The following PDLIM5 variants were observed in gnomAD, a reference collection of about 807,000 sequenced individuals.
PDLIM5 encodes the protein PDZ and LIM domain 5.
Under a neutral mutation model 64.2 loss-of-function variants are expected in PDLIM5, and 34 were observed. The observed-to-expected ratio is 0.53, with a 90% CI of 0.40 to 0.71. The LOEUF (loss-of-function observed/expected upper bound fraction) is 0.71. Ranked by LOEUF, PDLIM5 falls within the 30% of genes least tolerant of loss-of-function variation. The pLI is 0.00. For missense variants in PDLIM5, 683 were observed against 733.6 expected, an observed-to-expected ratio of 0.93 and a Z score of 0.80; for synonymous variants, 253 against 269.1, an observed-to-expected ratio of 0.94 and a Z score of 0.59.
chr4:94,606,728 G>A (rs903935501), intron 7 of PDLIM5, among the ~76,000 whole-genome samples: 7 of 152,112 alleles, frequency 4.6e-5, no homozygotes, highest in African/African-American at 1.7e-4. Context: ...ATTTTTTTCT[G>A]TAAAGGTCCA....
At chr4:94,575,340 G>A (rs1289786294) in intron 4 of PDLIM5, among the ~76,000 whole-genome samples, 2 of 152,004 alleles carry the variant, frequency 1.3e-5, no homozygotes, top group African/African-American at 2.4e-5. Flanking sequence ...CTTTCTGATA[G>A]TTTTCCTGCT....
intron 7 of PDLIM5, among the ~76,000 whole-genome samples, chr4:94,604,866 A>AT (rs1737790180): frequency 6.6e-6 from 1 of 152,184 alleles, no homozygotes; most frequent in Non-Finnish European, 1.5e-5. Flanking sequence ...TTTTTACCAC[A>AT]GTTTTTAAAA....
chr4:94,513,468 CTTAAT>C lies in PDLIM5; in HGVS notation c.97-10248_97-10244del, dbSNP rs531840983. Reference sequence around the variant, plus strand: ...CTTTGGATAAGTTAATTCTGAGGTACTTAATTTAATTTGTGGCTGTTGTAAATGGG... The same window carrying C: ...CTTTGGATAAGTTAATTCTGAGGTACTTAATTTGTGGCTGTTGTAAATGGG... On this transcript the variant is annotated intron_variant, in intron 2 of 12. Coordinates refer to ENST00000317968, the MANE Select transcript of PDLIM5 (RefSeq NM_006457.5). Among the ~76,000 whole-genome samples, 7 of 152,188 alleles carry C rather than the reference CTTAAT, an allele frequency of 4.6e-5. No individual in the cohort carries two copies. In the South Asian group the frequency reaches 1.0e-3, roughly 23 times the overall value.
At chr4:94,466,142 A>C (rs908075297) in intron 2 of PDLIM5, among the ~76,000 whole-genome samples, 3 of 151,510 alleles carry the variant, frequency 2.0e-5, no homozygotes, top group Admixed American at 2.0e-4. Context: ...TAATTCTTTA[A>C]TTTTCTGTAG....
Position 94,455,325 on chromosome 4 carries a change from C to T in PDLIM5, c.37C>T (p.Pro13Ser). The T allele has an allele frequency of 6.2e-7, 1 of 1,613,736 alleles. No individual in the cohort carries two copies. The highest frequency in any genetic ancestry group is 8.5e-7 in the Non-Finnish European group (1 of 1,179,622). ...CAGTGTGTCACTGGTTGGCCCAGCT[C>T]CTTGGGGTTTCCGGCTGCAGGGCGG... ...NYSVSLVGPA[P>S]WGFRLQGGKD... Residue 13 changes from proline to serine, a missense_variant, in exon 2 of 13, where the codon CCT becomes TCT. Physicochemically the swap from Pro to Ser is moderately conservative, Grantham distance 74 (BLOSUM62 -1). Transcript: ENST00000317968.
intron 7 of PDLIM5, among the ~76,000 whole-genome samples, chr4:94,588,760 C>G (rs1443248179): frequency 6.6e-6 from 1 of 152,030 alleles, no homozygotes; most frequent in African/African-American, 2.4e-5. Context: ...ATTCAAGGGT[C>G]TATTTTTATT....
intron 7 of PDLIM5, among the ~76,000 whole-genome samples, chr4:94,607,178 C>T (rs1437792579): frequency 6.6e-6 from 1 of 152,076 alleles, no homozygotes; most frequent in Non-Finnish European, 1.5e-5. Context: ...AAATAAAAAA[C>T]AGGAATATAA....
chr4:94,515,761 A>G (rs1729304915), intron 2 of PDLIM5, among the ~76,000 whole-genome samples: 1 of 152,240 alleles, frequency 6.6e-6, no homozygotes, highest in Admixed American at 6.5e-5. Context: ...TTGTTAATCC[A>G]TTCCCAGGTA....
chr4:94,566,370 G>GT (rs1169139699), intron 3 of PDLIM5, among the ~76,000 whole-genome samples: 2 of 152,064 alleles, frequency 1.3e-5, no homozygotes, highest in African/African-American at 4.8e-5. Context: ...TTATCTCTAG[G>GT]TTTTTTTGTT....
intron 2 of PDLIM5, among the ~76,000 whole-genome samples, chr4:94,519,932 A>T (rs1729683392): frequency 6.6e-6 from 1 of 152,138 alleles, no homozygotes; most frequent in South Asian, 2.1e-4. Flanking sequence ...ATCCATGATT[A>T]CAGATAAAAG....
At chr4:94,498,802 G>A (rs1727640608) in intron 2 of PDLIM5, among the ~76,000 whole-genome samples, 1 of 152,104 alleles carries the variant, frequency 6.6e-6, no homozygotes, top group South Asian at 2.1e-4. Context: ...TGGAAAAGTA[G>A]GTTCTTTAAT....
rs184526537 is a variant in PDLIM5 at position 94,504,379 on chromosome 4, C to T, written c.97-19345C>T. On this transcript the variant is annotated intron_variant, in intron 2 of 12. Coordinates refer to ENST00000317968, the MANE Select transcript of PDLIM5 (RefSeq NM_006457.5). ...CTCGGCTCATTGCAACCTCCGCTCC[C>T]GGGTTCAAGCAATTCTCCTGCCTCA... is the stretch of plus-strand genomic sequence containing the variant. Among the ~76,000 whole-genome samples, 29 of 152,072 alleles carry T rather than the reference C, an allele frequency of 1.9e-4. No homozygotes were observed. The South Asian group carries it at 2.9e-3, about 15-fold the overall frequency.
intron 2 of PDLIM5, among the ~76,000 whole-genome samples, chr4:94,496,800 A>C (rs145446076): frequency 7.9e-5 from 12 of 152,212 alleles, no homozygotes; most frequent in African/African-American, 2.9e-4. Flanking sequence ...GCCCAGATGC[A>C]CATTTGACCT....
intron 9 of PDLIM5, among the ~76,000 whole-genome samples, chr4:94,652,070 T>C (rs1340550698): frequency 1.3e-5 from 2 of 152,254 alleles, no homozygotes; most frequent in African/African-American, 4.8e-5. Flanking sequence ...TGTCTTTTTT[T>C]CTTCTCAGAT....
At chr4:94,605,506 T>G (rs1737840653) in intron 7 of PDLIM5, among the ~76,000 whole-genome samples, 1 of 152,190 alleles carries the variant, frequency 6.6e-6, no homozygotes, top group Non-Finnish European at 1.5e-5. Flanking sequence ...GGCAGAAAAT[T>G]TGGCTGCTGC....
chr4:94,491,320 A>G (rs1468758580), intron 2 of PDLIM5, among the ~76,000 whole-genome samples: 1 of 152,186 alleles, frequency 6.6e-6, no homozygotes, highest in African/African-American at 2.4e-5. Flanking sequence ...TTTAACTCTG[A>G]CATTGATTAT....
At chr4:94,538,998 A>G (rs1731548713) in intron 3 of PDLIM5, among the ~76,000 whole-genome samples, 1 of 152,200 alleles carries the variant, frequency 6.6e-6, no homozygotes, top group South Asian at 2.1e-4. Context: ...AAAACTAAGG[A>G]CAGTGATAAA....
chr4:94,467,198 G>GT (rs1203550300), intron 2 of PDLIM5, among the ~76,000 whole-genome samples: 2 of 152,076 alleles, frequency 1.3e-5, no homozygotes, highest in Non-Finnish European at 2.9e-5. Flanking sequence ...TACATGTTCA[G>GT]TAACTATTAA....
intron 2 of PDLIM5, among the ~76,000 whole-genome samples, chr4:94,467,155 C>G (rs956809538): frequency 2.0e-5 from 3 of 152,122 alleles, no homozygotes; most frequent in Admixed American, 1.3e-4. Context: ...ACCCCCGAGT[C>G]TTATTTATTC....
Sources: gnomAD v4.1 joint callset for allele counts (sites outside exome capture counted in the v4.1 genomes callset) on GRCh38, gnomAD v4.1.1 for gene constraint, MANE v1.5 for transcripts, NCBI Gene and HGNC (gene_info 2026-07-23, HGNC 2026-07-21) for gene names.